The following SEPTIN9 variants were observed in gnomAD, a reference collection of about 807,000 sequenced individuals.
SEPTIN9 encodes the protein septin 9.
SEPTIN9 carries 13 observed loss-of-function variants against 56.6 expected under a neutral mutation model. The observed-to-expected ratio is 0.23, with a 90% CI of 0.15 to 0.37. SEPTIN9 has a LOEUF of 0.37. SEPTIN9 is among the 10% of genes least tolerant of loss of function. The pLI is 1.00. For synonymous variants in SEPTIN9, 332 were observed against 334.1 expected (o/e 0.99, Z 0.07); for missense variants, 650 against 823.1 (o/e 0.79, Z 2.57).
chr17:77,336,275 G>T (rs2033551238), intron 2 of SEPTIN9, among the ~76,000 whole-genome samples: 2 of 152,130 alleles, frequency 1.3e-5, no homozygotes, highest in Non-Finnish European at 2.9e-5. Flanking sequence ...CAAAAATGCA[G>T]TGTGAATTTT....
chr17:77,386,182 A>G (rs1361732734), intron 2 of SEPTIN9, among the ~76,000 whole-genome samples: 2 of 152,278 alleles, frequency 1.3e-5, no homozygotes, highest in South Asian at 2.1e-4. Flanking sequence ...TTTAATGAAG[A>G]GAAGAATGAC....
intron 3 of SEPTIN9, among the ~76,000 whole-genome samples, chr17:77,426,710 C>T (rs570103244): frequency 1.3e-5 from 2 of 152,224 alleles, no homozygotes; most frequent in Admixed American, 6.5e-5. Context: ...GCAGTTAAAA[C>T]AGCCCTCCCA....
chr17:77,320,945 A>C (rs2032897241), intron 2 of SEPTIN9, among the ~76,000 whole-genome samples: 1 of 152,170 alleles, frequency 6.6e-6, no homozygotes, highest in South Asian at 2.1e-4. Context: ...GCAGGCACAG[A>C]CCCATCAGGG....
At chr17:77,321,098 G>A (rs1051074569) in intron 2 of SEPTIN9, among the ~76,000 whole-genome samples, 3 of 152,242 alleles carry the variant, frequency 2.0e-5, no homozygotes, top group Admixed American at 6.5e-5. Flanking sequence ...GGCCAGCGCC[G>A]TCATCGGTAA....
intron 2 of SEPTIN9, among the ~76,000 whole-genome samples, chr17:77,401,543 C>T (rs751771887): frequency 1.3e-5 from 2 of 151,922 alleles, no homozygotes; most frequent in African/African-American, 2.4e-5. Flanking sequence ...GTCAGGAGTC[C>T]GAGACCAGAC....
intron 1 of SEPTIN9, among the ~76,000 whole-genome samples, chr17:77,283,039 G>A (rs1483894277): frequency 1.3e-5 from 2 of 152,130 alleles, no homozygotes; most frequent in East Asian, 1.9e-4. Context: ...CACAGATGCC[G>A]GAAGGGCCCT....
At chr17:77,390,315 G>T (rs1173350212) in intron 2 of SEPTIN9, among the ~76,000 whole-genome samples, 1 of 123,038 alleles carries the variant, frequency 8.1e-6, no homozygotes, top group Non-Finnish European at 1.6e-5. Flanking sequence ...CCACTGCACC[G>T]CAGCCTGGGC....
chr17:77,332,944 G>C (rs1378908940), intron 2 of SEPTIN9, among the ~76,000 whole-genome samples: 2 of 152,182 alleles, frequency 1.3e-5, no homozygotes, highest in African/African-American at 4.8e-5. Context: ...TCTTGTACAA[G>C]TTTTTCTGTG....
At chr17:77,474,059 C>T (rs2039113610) in intron 3 of SEPTIN9, among the ~76,000 whole-genome samples, 2 of 152,194 alleles carry the variant, frequency 1.3e-5, no homozygotes, top group African/African-American at 2.4e-5. Context: ...ACAATAGCTT[C>T]TCCCTCCACC....
chr17:77,388,413 T>G (rs946105887), intron 2 of SEPTIN9, among the ~76,000 whole-genome samples: 1 of 152,198 alleles, frequency 6.6e-6, no homozygotes, highest in Admixed American at 6.5e-5. Context: ...TGTCAACCTC[T>G]TCATGTCTTT....
intron 3 of SEPTIN9, chr17:77,446,253 G>A (rs571315937): frequency 6.0e-5 from 10 of 167,276 alleles, no homozygotes; most frequent in African/African-American, 2.4e-4. Flanking sequence ...TTCCAGCTTT[G>A]GGTGGGAGGC....
chr17:77,300,906 C>G (rs2032021160), intron 1 of SEPTIN9, among the ~76,000 whole-genome samples: 1 of 128,672 alleles, frequency 7.8e-6, no homozygotes, highest in Non-Finnish European at 1.7e-5. Context: ...CAAACCACCC[C>G]CAACACAGGC....
intron 1 of SEPTIN9, among the ~76,000 whole-genome samples, chr17:77,282,786 T>A (rs1276110105): frequency 6.6e-6 from 1 of 152,204 alleles, no homozygotes; most frequent in Non-Finnish European, 1.5e-5. Flanking sequence ...GGAGCGGGCT[T>A]CCAGGTGGCA....
Position 77,433,923 on chromosome 17 carries a change from G to A in SEPTIN9, c.721+31220G>A, listed in dbSNP as rs539556823. 1.4e-4 allele frequency among the ~76,000 whole-genome samples: 22 copies of A among 152,316 alleles called. No individual in the cohort carries two copies. The highest frequency in any genetic ancestry group is 3.4e-3 in the Middle Eastern group (1 of 294). ...CCCGTTGGTGGATGGGCAGAGAGGG[G>A]AGCTTGCTGTGGGGCCTCCCCCGAT... On this transcript the variant is annotated intron_variant, in intron 3 of 11. Transcript: ENST00000427177. The surrounding 1 kb of genome is among the most constrained non-coding windows in gnomAD (Gnocchi z 6.4).
Position 77,451,639 on chromosome 17 carries a change from A to G in SEPTIN9, c.722-30505A>G, listed in dbSNP as rs1366463318. 2 of 842,586 alleles carry G rather than the reference A, an allele frequency of 2.4e-6. No individual in the cohort carries two copies. The highest frequency in any genetic ancestry group is 5.4e-5 in the South Asian group (1 of 18,494). 52.2% of individuals were successfully genotyped at this position (842,586 alleles called of 1,614,324 possible). ...GGCCATGGTGGCGGTGCCGGGAGCC[A>G]CGCTGTCCCTGGGCCCCGGCCCGAG... On this transcript the variant is annotated intron_variant, in intron 3 of 11. Coordinates refer to ENST00000427177, the MANE Select transcript of SEPTIN9 (RefSeq NM_001113491.2). This position sits in a 1 kb window ranked among gnomAD's most constrained non-coding sequence, Gnocchi z 4.2.
At chr17:77,459,230 G>T (rs2038351064) in intron 3 of SEPTIN9, among the ~76,000 whole-genome samples, 2 of 152,196 alleles carry the variant, frequency 1.3e-5, no homozygotes, top group Admixed American at 1.3e-4. Flanking sequence ...AACCATTCTG[G>T]CTGCCTCCTG....
At chr17:77,406,409 T>C (rs1455010566) in intron 3 of SEPTIN9, among the ~76,000 whole-genome samples, 1 of 152,134 alleles carries the variant, frequency 6.6e-6, no homozygotes, top group Admixed American at 6.6e-5. Context: ...GCTTGGGATA[T>C]AAATGATTTG....
At chr17:77,301,487 C>T (rs747163292) in intron 1 of SEPTIN9, among the ~76,000 whole-genome samples, 8 of 151,962 alleles carry the variant, frequency 5.3e-5, no homozygotes, top group Non-Finnish European at 1.0e-4. Context: ...TGCAATGGCA[C>T]GATCTCGGCT....
rs1567995233 is a variant in SEPTIN9, at chr17:77,326,677, A to G, written c.76+19480A>G. On this transcript the variant is annotated intron_variant, in intron 2 of 11. Transcript: ENST00000427177. The surrounding 1 kb of genome is among the most constrained non-coding windows in gnomAD (Gnocchi z 5.1). ...AACTCCTAAAATCCTTGGAATCTCC[A>G]AAGTGATGTCTTTTTGGATGCTCAT... 6.6e-6 allele frequency among the ~76,000 whole-genome samples: 1 copy of G among 152,112 alleles called. No individual in the cohort carries two copies. The highest frequency in any genetic ancestry group is 1.5e-5 in the Non-Finnish European group (1 of 68,020).
Sources: gnomAD v4.1 joint callset for allele counts (sites outside exome capture counted in the v4.1 genomes callset) on GRCh38, gnomAD v4.1.1 for gene constraint, Gnocchi (gnomAD v3.1) non-coding constraint, MANE v1.5 for transcripts, NCBI Gene and HGNC (gene_info 2026-07-23, HGNC 2026-07-21) for gene names.